The following DLC1 variants were observed in gnomAD, a reference collection of about 807,000 sequenced individuals.
The protein encoded by DLC1 is rho GTPase-activating protein 7.
DLC1 carries 54 observed loss-of-function variants against 140.3 expected under a neutral mutation model. The observed-to-expected ratio is 0.38, with a 90% CI of 0.31 to 0.48. The LOEUF (loss-of-function observed/expected upper bound fraction) is 0.48. Ranked by LOEUF, DLC1 falls within the 20% of genes least tolerant of loss-of-function variation. DLC1 has a pLI of 0.96. For synonymous variants in DLC1, 986 were observed against 728.1 expected (o/e 1.35, Z -5.70); for missense variants, 2,536 against 1,907.0 (o/e 1.33, Z -6.14).
At chr8:13,472,595 C>T (rs1800258169) in intron 2 of DLC1, among the ~76,000 whole-genome samples, 1 of 152,174 alleles carries the variant, frequency 6.6e-6, no homozygotes, top group Non-Finnish European at 1.5e-5. Flanking sequence ...CCCCCTCATG[C>T]TCTGCTGGTT....
intron 4 of DLC1, among the ~76,000 whole-genome samples, chr8:13,352,856 A>G (rs1563276781): frequency 6.6e-6 from 1 of 152,178 alleles, no homozygotes. Flanking sequence ...CACACCTACC[A>G]GGAACACGAG....
At chr8:13,409,589 G>A (rs1187237056) in intron 2 of DLC1, among the ~76,000 whole-genome samples, 1 of 152,114 alleles carries the variant, frequency 6.6e-6, no homozygotes, top group Non-Finnish European at 1.5e-5. Context: ...GGTATTTTAT[G>A]TCTTATCTGG....
chr8:13,316,130 C>T (rs1832851811), intron 4 of DLC1, among the ~76,000 whole-genome samples: 2 of 152,220 alleles, frequency 1.3e-5, no homozygotes, highest in African/African-American at 4.8e-5. Flanking sequence ...TGGTTAGGGA[C>T]AGCTAACCCT....
At chr8:13,396,062 CTTT>C (rs33927089) in intron 3 of DLC1, among the ~76,000 whole-genome samples, 2 of 135,490 alleles carry the variant, frequency 1.5e-5, no homozygotes, top group Non-Finnish European at 3.1e-5. Flanking sequence ...TCTTTTCTTT[CTTT>C]TTTTTTTTTT....
intron 4 of DLC1, among the ~76,000 whole-genome samples, chr8:13,377,479 T>C (rs886110387): frequency 6.6e-6 from 1 of 152,138 alleles, no homozygotes; most frequent in African/African-American, 2.4e-5. Context: ...AACATACTCT[T>C]TCAAGGTGAG....
At chr8:13,427,901 C>A (rs1461087129) in intron 2 of DLC1, among the ~76,000 whole-genome samples, 3 of 152,154 alleles carry the variant, frequency 2.0e-5, no homozygotes, top group Non-Finnish European at 4.4e-5. Context: ...CTCACAGAAC[C>A]AAATAAAATG....
At chr8:13,491,407 C>A (rs1408665413) in intron 2 of DLC1, among the ~76,000 whole-genome samples, 2 of 152,020 alleles carry the variant, frequency 1.3e-5, no homozygotes, top group African/African-American at 4.8e-5. Flanking sequence ...GACTCCCCTG[C>A]AAGCATGTGT....
At chr8:13,240,220 G>C (rs1364677264) in intron 5 of DLC1, among the ~76,000 whole-genome samples, 1 of 152,052 alleles carries the variant, frequency 6.6e-6, no homozygotes, top group African/African-American at 2.4e-5. Flanking sequence ...TCCCGTAGTA[G>C]TGTCCTCCTC....
intron 5 of DLC1, among the ~76,000 whole-genome samples, chr8:13,143,846 G>GAGAGAGAGAGAGAGACAGAC (rs1476183797): frequency 2.0e-5 from 3 of 148,508 alleles, no homozygotes; most frequent in Non-Finnish European, 3.0e-5. Flanking sequence ...GAGAGAGAGA[G>GAGAGAGAGAGAGAGACAGAC]AGAGAGACAT....
At chr8:13,407,070 T>C (rs1285465378) in intron 2 of DLC1, among the ~76,000 whole-genome samples, 1 of 152,192 alleles carries the variant, frequency 6.6e-6, no homozygotes. Flanking sequence ...CTTTCAGACA[T>C]AGGTCAATAG....
At chr8:13,448,273 G>C (rs528333057) in intron 2 of DLC1, among the ~76,000 whole-genome samples, 3 of 152,206 alleles carry the variant, frequency 2.0e-5, no homozygotes, top group Non-Finnish European at 4.4e-5. Flanking sequence ...TGGAATAGAA[G>C]TATATATTCG....
chr8:13,585,371 C>G (rs557386748), intron 1 of DLC1, among the ~76,000 whole-genome samples: 1 of 151,660 alleles, frequency 6.6e-6, no homozygotes, highest in East Asian at 2.0e-4. Flanking sequence ...CAAGACCAGA[C>G]TAGGAAACAT....
At chr8:13,143,236 A>C (rs975009637) in intron 5 of DLC1, among the ~76,000 whole-genome samples, 1 of 152,142 alleles carries the variant, frequency 6.6e-6, no homozygotes, top group Non-Finnish European at 1.5e-5. Context: ...CTAAACCATC[A>C]ATTAAATCTC....
intron 5 of DLC1, among the ~76,000 whole-genome samples, chr8:13,215,673 A>G (rs1330994974): frequency 6.6e-6 from 1 of 152,178 alleles, no homozygotes; most frequent in East Asian, 1.9e-4. Flanking sequence ...TTTAAAACAT[A>G]CTACTATTGT....
chr8:13,510,342 G>C (rs1334363403), intron 1 of DLC1, among the ~76,000 whole-genome samples: 6 of 151,782 alleles, frequency 4.0e-5, no homozygotes, highest in African/African-American at 1.5e-4. Flanking sequence ...CCTGGCTAAA[G>C]TTTTTTGTAT....
At chr8:13,253,715 T>C (rs941656497) in intron 5 of DLC1, among the ~76,000 whole-genome samples, 2 of 152,226 alleles carry the variant, frequency 1.3e-5, no homozygotes, top group African/African-American at 2.4e-5. Flanking sequence ...CTGCACATCC[T>C]GTGATGGCTG....
chr8:13,323,284 A>T (rs780234530), intron 4 of DLC1, among the ~76,000 whole-genome samples: 1 of 152,238 alleles, frequency 6.6e-6, no homozygotes, highest in South Asian at 2.1e-4. Flanking sequence ...TATATTTTAT[A>T]TACATCTGTA....
intron 5 of DLC1, among the ~76,000 whole-genome samples, chr8:13,202,675 T>G (rs56064428): frequency 0.11 from 16,762 of 152,092 alleles, 1,018 homozygotes; most frequent in South Asian, 0.19. Flanking sequence ...TTTTTTTTAA[T>G]TTTTAATTAT....
chr8:13,320,570 T>G (rs2116901601), intron 4 of DLC1, among the ~76,000 whole-genome samples: 1 of 152,288 alleles, frequency 6.6e-6, no homozygotes, highest in South Asian at 2.1e-4. Flanking sequence ...CCTCCAAATC[T>G]CATGTGGAAA....
Sources: allele counts gnomAD v4.1 joint callset (sites outside exome capture counted in the v4.1 genomes callset), GRCh38; gene constraint gnomAD v4.1.1; transcripts MANE v1.5; gene names NCBI Gene and HGNC (gene_info 2026-07-23, HGNC 2026-07-21).